Variants in AKAP19 observed in about 807,000 individuals in gnomAD.
AKAP19 encodes small A-kinase anchoring protein.
the AKAP19 span, among the ~76,000 whole-genome samples, chr2:190,195,089 C>G: frequency 6.6e-6 from 1 of 152,080 alleles, no homozygotes; most frequent in Non-Finnish European, 1.5e-5. Flanking sequence ...GTCTTGAACT[C>G]CTGGGCTCAA....
At chr2:189,956,358 A>T in the AKAP19 span, among the ~76,000 whole-genome samples, 15 of 149,204 alleles carry the variant, frequency 1.0e-4, no homozygotes, top group African/African-American at 3.5e-4. Flanking sequence ...TTTAGTAGAG[A>T]CGGGGTTTCA....
At chr2:189,927,261 A>G in the AKAP19 span, among the ~76,000 whole-genome samples, 3 of 152,182 alleles carry the variant, frequency 2.0e-5, no homozygotes, top group African/African-American at 4.8e-5. Context: ...TCTCAGTTCT[A>G]TGCTCTTTCT....
At chr2:190,194,040 T>C in the AKAP19 span, among the ~76,000 whole-genome samples, 5 of 152,226 alleles carry the variant, frequency 3.3e-5, no homozygotes, top group African/African-American at 4.8e-5. Context: ...CTTTGTCCCA[T>C]GGGTTATTTA....
the AKAP19 span, among the ~76,000 whole-genome samples, chr2:189,991,042 T>C: frequency 6.6e-6 from 1 of 152,368 alleles, no homozygotes; most frequent in East Asian, 1.9e-4. Flanking sequence ...TTTTTATGGC[T>C]GAGTAGTATT....
the AKAP19 span, among the ~76,000 whole-genome samples, chr2:189,979,515 C>T: frequency 6.6e-6 from 1 of 152,026 alleles, no homozygotes; most frequent in African/African-American, 2.4e-5. Context: ...GGACATTGGC[C>T]TAGACAAAAA....
At chr2:190,109,607 A>T in the AKAP19 span, among the ~76,000 whole-genome samples, 1 of 151,672 alleles carries the variant, frequency 6.6e-6, no homozygotes, top group Non-Finnish European at 1.5e-5. Context: ...CCTTCCCTCC[A>T]CTCCTCAAGA....
chr2:190,047,607 C>T, the AKAP19 span, among the ~76,000 whole-genome samples: 25 of 152,254 alleles, frequency 1.6e-4, no homozygotes, highest in Admixed American at 4.6e-4. Flanking sequence ...CCATAGTTCC[C>T]GCAGTAGTAC....
the AKAP19 span, among the ~76,000 whole-genome samples, chr2:190,016,318 G>C: frequency 6.6e-6 from 1 of 152,198 alleles, no homozygotes; most frequent in Admixed American, 6.5e-5. Flanking sequence ...TGGCAGAAGG[G>C]GAAGAGGTAT....
At chr2:189,899,764 T>C in the AKAP19 span, among the ~76,000 whole-genome samples, 2 of 149,106 alleles carry the variant, frequency 1.3e-5, no homozygotes, top group Non-Finnish European at 3.0e-5. Flanking sequence ...CTTTCCTTTC[T>C]TTTATATTCT....
chr2:190,135,103 A>G, the AKAP19 span, among the ~76,000 whole-genome samples: 3 of 152,174 alleles, frequency 2.0e-5, no homozygotes, highest in African/African-American at 7.2e-5. Flanking sequence ...TATTTGGATT[A>G]CTAAAAGGTG....
the AKAP19 span, among the ~76,000 whole-genome samples, chr2:190,162,591 A>C: frequency 6.6e-6 from 1 of 152,184 alleles, no homozygotes; most frequent in Non-Finnish European, 1.5e-5. Context: ...ATAAGGATTT[A>C]TTTCTTTTGG....
the AKAP19 span, among the ~76,000 whole-genome samples, chr2:189,907,361 G>C: frequency 6.6e-6 from 1 of 151,942 alleles, no homozygotes; most frequent in Non-Finnish European, 1.5e-5. Context: ...TTTTCCAGTT[G>C]CTATTCCTTC....
the AKAP19 span, among the ~76,000 whole-genome samples, chr2:189,973,666 G>A: frequency 6.6e-6 from 1 of 152,180 alleles, no homozygotes; most frequent in Non-Finnish European, 1.5e-5. Context: ...TTCAGAGCCT[G>A]TTATTGGTTA....
the AKAP19 span, among the ~76,000 whole-genome samples, chr2:189,950,028 G>GTTTTTTTT: frequency 4.4e-5 from 5 of 113,964 alleles, no homozygotes; most frequent in Non-Finnish European, 6.7e-5. Context: ...TTGGTTTTGG[G>GTTTTTTTT]TTTTTTTTTT....
At chr2:189,960,000 A>G in the AKAP19 span, among the ~76,000 whole-genome samples, 5 of 152,186 alleles carry the variant, frequency 3.3e-5, no homozygotes, top group African/African-American at 1.2e-4. Flanking sequence ...CCAGTGAGCC[A>G]CTTCTGCCTA....
At chr2:189,970,554 C>T in the AKAP19 span, among the ~76,000 whole-genome samples, 1 of 152,092 alleles carries the variant, frequency 6.6e-6, no homozygotes, top group African/African-American at 2.4e-5. Flanking sequence ...TATTAAAATG[C>T]ATAACCCTAT....
the AKAP19 span, among the ~76,000 whole-genome samples, chr2:190,118,269 G>C: frequency 2.6e-5 from 4 of 152,138 alleles, no homozygotes; most frequent in African/African-American, 9.7e-5. Flanking sequence ...CAGATTCACA[G>C]CCGAATTCTA....
At chr2:190,135,297 G>A in the AKAP19 span, among the ~76,000 whole-genome samples, 1 of 152,118 alleles carries the variant, frequency 6.6e-6, no homozygotes, top group Non-Finnish European at 1.5e-5. Flanking sequence ...GCTACTTAAG[G>A]TGTGGAACGT....
the AKAP19 span, among the ~76,000 whole-genome samples, chr2:190,175,393 T>C: frequency 6.6e-6 from 1 of 152,182 alleles, no homozygotes; most frequent in African/African-American, 2.4e-5. Context: ...AGTTGACAGC[T>C]TATATAGTTG....
Sources: gnomAD v4.1 joint callset for allele counts (sites outside exome capture counted in the v4.1 genomes callset) on GRCh38, gnomAD v4.1.1 for gene constraint, MANE v1.5 for transcripts, NCBI Gene and HGNC (gene_info 2026-07-23, HGNC 2026-07-21) for gene names.